Variants in IMPG2 observed in about 807,000 individuals in gnomAD.
The protein encoded by IMPG2 is IPM 200.
IMPG2 carries 91 observed loss-of-function variants against 129.2 expected under a neutral mutation model. The observed-to-expected ratio is 0.70, with a 90% CI of 0.59 to 0.84. The LOEUF (loss-of-function observed/expected upper bound fraction) is 0.84. IMPG2 is among the 40% of genes least tolerant of loss of function. The probability of loss-of-function intolerance (pLI) is 0.00; values close to 1 mark genes in which losing one functional copy is unlikely to be tolerated. For missense variants in IMPG2, 1,430 were observed against 1,461.7 expected (o/e 0.98, Z 0.35); for synonymous variants, 510 against 517.7 (o/e 0.99, Z 0.20).
intron 3 of IMPG2, among the ~76,000 whole-genome samples, chr3:101,293,884 C>T (rs1195831583): frequency 6.6e-6 from 1 of 152,198 alleles, no homozygotes; most frequent in African/African-American, 2.4e-5. Flanking sequence ...GCTTCCTCGC[C>T]TCTCTCAGCC....
intron 7 of IMPG2, among the ~76,000 whole-genome samples, chr3:101,272,012 C>G (rs1180502095): frequency 6.6e-6 from 1 of 152,146 alleles, no homozygotes; most frequent in Non-Finnish European, 1.5e-5. Flanking sequence ...CCCTCCCAGG[C>G]CCATCACACT....
rs575470506 is a variant in IMPG2, at chr3:101,241,020, G to T, written c.3022+1668C>A. Among the ~76,000 whole-genome samples the T allele has an allele frequency of 3.9e-5, 6 of 152,254 alleles. No homozygotes were observed. The South Asian group carries it at 1.0e-3, about 26-fold the overall frequency. Reference sequence around the variant, plus strand: ...TCCAAGGCTTCCAAATAAAAGCAATGATTCATTTCACTCATTCACAGTATT... The same window carrying T: ...TCCAAGGCTTCCAAATAAAAGCAATTATTCATTTCACTCATTCACAGTATT... On this transcript the variant is annotated intron_variant, in intron 14 of 18. Transcript: ENST00000193391.
intron 10 of IMPG2, among the ~76,000 whole-genome samples, chr3:101,254,881 T>A (rs530168898): frequency 1.1e-4 from 17 of 151,918 alleles, no homozygotes; most frequent in Admixed American, 2.0e-4. Flanking sequence ...AGAGATCTAG[T>A]TGTTTAAAAG....
chr3:101,239,165 A>G (rs1054682257), intron 14 of IMPG2, among the ~76,000 whole-genome samples: 16 of 152,220 alleles, frequency 1.1e-4, no homozygotes, highest in Admixed American at 5.2e-4. Flanking sequence ...AGAATGAGAA[A>G]ACATTTTTGC....
intron 14 of IMPG2, among the ~76,000 whole-genome samples, chr3:101,242,105 G>A (rs1355311016): frequency 6.6e-6 from 1 of 152,114 alleles, no homozygotes; most frequent in East Asian, 1.9e-4. Context: ...TATGGAGAGA[G>A]AGAGAGAGAG....
At chr3:101,236,032 T>C (rs1248400408) in intron 14 of IMPG2, among the ~76,000 whole-genome samples, 1 of 152,198 alleles carries the variant, frequency 6.6e-6, no homozygotes, top group Admixed American at 6.5e-5. Flanking sequence ...GATAAAGCCT[T>C]CTCCATTACC....
chr3:101,256,205 G>GAAAGA (rs1468551332), intron 10 of IMPG2, among the ~76,000 whole-genome samples: 1 of 146,034 alleles, frequency 6.8e-6, no homozygotes, highest in African/African-American at 2.6e-5. Flanking sequence ...AAGAAAGAAA[G>GAAAGA]AAAGAAAGAA....
At position 101,243,749 on chromosome 3, in the gene IMPG2, T is replaced by A. The variant is rs1249451223; in HGVS notation, c.2582A>T (p.Lys861Met). The change falls in exon 13 of 19, where the codon AAG becomes ATG. Residue 861 changes from lysine (K) to methionine (M), a missense_variant. Physicochemically the swap from Lys to Met is moderately conservative, Grantham distance 95. Coordinates refer to ENST00000193391, the MANE Select transcript of IMPG2 (RefSeq NM_016247.4). ...TGACATTTCCACATAACTACCAACC[T>A]TGCCATTTTGCTCTTGGACTTGCTC... ...QPEQVQEQNG[K>M]VGSYVEMSTS... 3 of 1,613,696 alleles carry A rather than the reference T, an allele frequency of 1.9e-6. No individual in the cohort carries two copies. Among genetic ancestry groups the A allele is most frequent in the Non-Finnish European group, 2.5e-6 (3 of 1,179,736 alleles).
chr3:101,228,358 A>G (rs1441867742), intron 18 of IMPG2, among the ~76,000 whole-genome samples: 1 of 152,238 alleles, frequency 6.6e-6, no homozygotes, highest in African/African-American at 2.4e-5. Flanking sequence ...GGCTACTCAA[A>G]TGTTCTTCAA....
chr3:101,230,013 T>A (rs572452040), intron 16 of IMPG2, among the ~76,000 whole-genome samples: 1 of 152,322 alleles, frequency 6.6e-6, no homozygotes, highest in East Asian at 1.9e-4. Flanking sequence ...TCAATTAAAT[T>A]CAACTCAGGT....
At chr3:101,229,996 C>G (rs997608543) in intron 16 of IMPG2, among the ~76,000 whole-genome samples, 1 of 152,194 alleles carries the variant, frequency 6.6e-6, no homozygotes, top group Non-Finnish European at 1.5e-5. Flanking sequence ...CTAGGGGAAG[C>G]AGAGCCTCAA....
Position 101,225,293 on chromosome 3 carries a change from T to C in IMPG2, c.*1676A>G, listed in dbSNP as rs1372671454. ...TCAATAAAATAGTGGAAAGTGTACC[T>C]ATACTGAACTGTTAGAGGATCCATT... On this transcript the variant is annotated 3_prime_UTR_variant, in exon 19 of 19. Transcript: ENST00000193391. The C allele has an allele frequency of 6.6e-6, 1 of 152,264 alleles. No homozygotes were observed. Among genetic ancestry groups the C allele is most frequent in the Non-Finnish European group, 1.5e-5 (1 of 68,042 alleles). The allele number at this position is 152,264 out of a possible 1,614,324, so 9.4% of individuals were successfully genotyped here.
intron 10 of IMPG2, among the ~76,000 whole-genome samples, chr3:101,256,019 G>T (rs1326281829): frequency 6.7e-6 from 1 of 148,338 alleles, no homozygotes. Context: ...AGCCAAAATA[G>T]TTGAAAGCAA....
At chr3:101,268,183 T>C (rs1171447087) in intron 8 of IMPG2, among the ~76,000 whole-genome samples, 1 of 152,168 alleles carries the variant, frequency 6.6e-6, no homozygotes, top group Non-Finnish European at 1.5e-5. Flanking sequence ...TTAAGGTAAA[T>C]TGTCTTTTTT....
intron 4 of IMPG2, among the ~76,000 whole-genome samples, chr3:101,283,860 C>T (rs1410266492): frequency 6.6e-6 from 1 of 151,262 alleles, no homozygotes; most frequent in Non-Finnish European, 1.5e-5. Context: ...GTTAAAATCC[C>T]CTTAGCTGAC....
At chr3:101,248,160 C>T (rs992865201) in intron 11 of IMPG2, among the ~76,000 whole-genome samples, 2 of 152,170 alleles carry the variant, frequency 1.3e-5, no homozygotes, top group African/African-American at 2.4e-5. Context: ...CAAATCTCAT[C>T]TTGAATTTCC....
chr3:101,255,958 T>C (rs937947143), intron 10 of IMPG2, among the ~76,000 whole-genome samples: 1 of 151,508 alleles, frequency 6.6e-6, no homozygotes, highest in African/African-American at 2.4e-5. Context: ...CCAGACCACT[T>C]TGTGACCCTG....
At position 101,273,670 on chromosome 3, in the gene IMPG2, T is replaced by C; in HGVS notation, c.739A>G (p.Ile247Val). ...CTGTACTGCTTCCCCAAAAGGTGGA[T>C]ACTGAATTCTGCAATCTGTTCACCT... is the stretch of plus-strand genomic sequence containing the variant. ...PAGEQIAEFS[I>V]HLLGKQYREE... Residue 247 changes from isoleucine (I) to valine (V), a missense_variant, in exon 7 of 19, where the codon ATC becomes GTC. Ile to Val is a conservative substitution (Grantham distance 29). Coordinates refer to ENST00000193391, the MANE Select transcript of IMPG2 (RefSeq NM_016247.4). The C allele has an allele frequency of 6.2e-7, 1 of 1,614,138 alleles. No homozygotes were observed. Among genetic ancestry groups the C allele is most frequent in the Non-Finnish European group, 8.5e-7 (1 of 1,179,966 alleles).
chr3:101,294,312 A>G (rs1167309190), intron 3 of IMPG2, among the ~76,000 whole-genome samples: 2 of 150,038 alleles, frequency 1.3e-5, no homozygotes, highest in African/African-American at 4.9e-5. Flanking sequence ...CTCACTGTTC[A>G]ACTCCCACTT....
Sources: allele counts gnomAD v4.1 joint callset (sites outside exome capture counted in the v4.1 genomes callset), GRCh38; gene constraint gnomAD v4.1.1; transcripts MANE v1.5; gene names NCBI Gene and HGNC (gene_info 2026-07-23, HGNC 2026-07-21).